The following DPY19L1 variants were observed in gnomAD, a reference collection of about 807,000 sequenced individuals.
The protein encoded by DPY19L1 is dpy-19 like C-mannosyltransferase 1.
A neutral mutation model predicts 96.9 loss-of-function variants in DPY19L1; 35 were observed. That is an observed-to-expected ratio of 0.36 (90% CI 0.28 to 0.48). The LOEUF (loss-of-function observed/expected upper bound fraction) is 0.48. Among genes scored for constraint, DPY19L1 ranks in the 20% least tolerant of loss-of-function variants. The pLI, the probability that DPY19L1 is intolerant of heterozygous loss-of-function variation, is 0.99. For missense variants in DPY19L1, 521 were observed against 777.9 expected (o/e 0.67, Z 3.93); for synonymous variants, 205 against 252.6 (o/e 0.81, Z 1.79).
At chr7:34,998,381 G>GA (rs1296253366) in intron 6 of DPY19L1, among the ~76,000 whole-genome samples, 1 of 152,154 alleles carries the variant, frequency 6.6e-6, no homozygotes, top group Non-Finnish European at 1.5e-5. Context: ...TAGAGTTCGT[G>GA]AAAAAGATCA....
At chr7:35,021,541 C>T (rs986173340) in intron 1 of DPY19L1, among the ~76,000 whole-genome samples, 1 of 152,150 alleles carries the variant, frequency 6.6e-6, no homozygotes, top group Non-Finnish European at 1.5e-5. Flanking sequence ...TATTACACAC[C>T]CAACACTTTA....
At chr7:35,033,983 C>T (rs1312280774) in intron 1 of DPY19L1, among the ~76,000 whole-genome samples, 4 of 151,894 alleles carry the variant, frequency 2.6e-5, no homozygotes, top group Admixed American at 2.0e-4. Context: ...AAAAATTATC[C>T]CACCCAAAAT....
chr7:35,014,975 G>A (rs1049258763), intron 3 of DPY19L1, among the ~76,000 whole-genome samples: 1 of 152,158 alleles, frequency 6.6e-6, no homozygotes, highest in Non-Finnish European at 1.5e-5. Context: ...CAGAGGCTGA[G>A]AAGAGACAAG....
At chr7:34,988,212 A>G (rs933545007) in intron 7 of DPY19L1, 19 of 152,144 alleles carry the variant, frequency 1.2e-4, no homozygotes, top group African/African-American at 4.1e-4. Flanking sequence ...AGACCTTTGC[A>G]CTTTACAAAC....
At chr7:35,030,735 C>G (rs924843265) in intron 1 of DPY19L1, among the ~76,000 whole-genome samples, 1 of 152,098 alleles carries the variant, frequency 6.6e-6, no homozygotes, top group African/African-American at 2.4e-5. Context: ...AATCAAGCTA[C>G]AATAGTTGTA....
chr7:35,005,446 G>A (rs981751010), intron 6 of DPY19L1, among the ~76,000 whole-genome samples: 1 of 151,428 alleles, frequency 6.6e-6, no homozygotes, highest in African/African-American at 2.4e-5. Flanking sequence ...GCTGGGGAGA[G>A]GAGGAAGGGG....
intron 1 of DPY19L1, among the ~76,000 whole-genome samples, chr7:35,019,607 GA>G (rs1430600056): frequency 1.3e-5 from 2 of 151,694 alleles, no homozygotes; most frequent in Non-Finnish European, 2.9e-5. Flanking sequence ...GAGGAAGGAA[GA>G]ATAAGGAGGA....
chr7:35,037,763 C>T, upstream of DPY19L1: 1 of 1,121,000 alleles, frequency 8.9e-7, no homozygotes, highest in East Asian at 4.2e-5. Flanking sequence ...AGCGCGCACG[C>T]GCGGACTTCC....
chr7:34,963,326 G>A (rs1245296074), intron 10 of DPY19L1, among the ~76,000 whole-genome samples: 1 of 151,978 alleles, frequency 6.6e-6, no homozygotes, highest in Non-Finnish European at 1.5e-5. Context: ...CCATCCAAGA[G>A]CAGAAAATAA....
At chr7:35,008,974 A>G (rs1274938446) in intron 6 of DPY19L1, among the ~76,000 whole-genome samples, 13 of 152,212 alleles carry the variant, frequency 8.5e-5, no homozygotes, top group Non-Finnish European at 1.8e-4. Context: ...ATTTCCCTGC[A>G]TCTTGTTTCA....
At chr7:35,007,031 C>A (rs1230382010) in intron 6 of DPY19L1, among the ~76,000 whole-genome samples, 1 of 152,050 alleles carries the variant, frequency 6.6e-6, no homozygotes, top group Non-Finnish European at 1.5e-5. Context: ...AAGAAGTCTG[C>A]AGCTTTATCC....
chr7:34,963,181 C>A (rs1419166563), intron 10 of DPY19L1, among the ~76,000 whole-genome samples: 1 of 114,912 alleles, frequency 8.7e-6, no homozygotes, highest in East Asian at 2.5e-4. Flanking sequence ...GGCGACAGAG[C>A]GAGATCTGTC....
At chr7:34,981,949 C>CAAAAT (rs369893182) in intron 7 of DPY19L1, among the ~76,000 whole-genome samples, 23 of 151,898 alleles carry the variant, frequency 1.5e-4, no homozygotes, top group South Asian at 4.2e-4. Context: ...GACCCTGTCT[C>CAAAAT]AAAATAAAAT....
At chr7:35,019,744 T>C (rs1363109949) in intron 1 of DPY19L1, among the ~76,000 whole-genome samples, 1 of 152,250 alleles carries the variant, frequency 6.6e-6, no homozygotes, top group Non-Finnish European at 1.5e-5. Flanking sequence ...TTCTAGATAA[T>C]TGAAGTTACA....
At chr7:35,002,379 G>C (rs1474213318) in intron 6 of DPY19L1, among the ~76,000 whole-genome samples, 2 of 151,892 alleles carry the variant, frequency 1.3e-5, no homozygotes, top group Non-Finnish European at 2.9e-5. Context: ...GAAAAAATAA[G>C]GCTGATAAAA....
Position 34,931,226 on chromosome 7 carries a change from C to T in DPY19L1, c.*347G>A, listed in dbSNP as rs1190863389. The T allele has an allele frequency of 6.1e-6, 1 of 164,362 alleles. No homozygotes were observed. The highest frequency in any genetic ancestry group is 1.3e-5 in the Non-Finnish European group (1 of 76,548). 10.2% of individuals were successfully genotyped at this position (164,362 alleles called of 1,614,324 possible). Reference sequence around the variant, plus strand: ...TAGTTCTTACACTATAAAATCAGCCCCTACATTGTCAGAATTGTCCTGTAT... The same window carrying T: ...TAGTTCTTACACTATAAAATCAGCCTCTACATTGTCAGAATTGTCCTGTAT... On this transcript the variant is annotated 3_prime_UTR_variant, in exon 22 of 22. Coordinates refer to ENST00000638088, the MANE Select transcript of DPY19L1 (RefSeq NM_001366673.1).
intron 9 of DPY19L1, among the ~76,000 whole-genome samples, chr7:34,968,750 C>T (rs1261278473): frequency 2.2e-5 from 2 of 92,856 alleles, no homozygotes; most frequent in African/African-American, 4.2e-5. Context: ...GCCTGGGCGA[C>T]AGAGAAAGAC....
Position 34,947,717 on chromosome 7 carries a change from ATG to A in DPY19L1, c.1423-18_1423-17del, listed in dbSNP as rs771294069. The A allele has an allele frequency of 1.3e-6, 2 of 1,594,846 alleles. No homozygotes were observed. The highest frequency in any genetic ancestry group is 1.7e-6 in the Non-Finnish European group (2 of 1,171,166). On this transcript the variant is annotated splice_polypyrimidine_tract_variant and intron_variant, in intron 14 of 21. Coordinates refer to ENST00000638088, the MANE Select transcript of DPY19L1 (RefSeq NM_001366673.1). ...TCAGTGGAGTCTGAAATTCAAAGAGATGTTTTGTTAGAAGGAAACATTTTAAC... is the reference window on the plus strand; with the variant it reads ...TCAGTGGAGTCTGAAATTCAAAGAGATTTTGTTAGAAGGAAACATTTTAAC...
chr7:35,037,229 T>C lies in DPY19L1; in HGVS notation c.166A>G (p.Lys56Glu). ...SPGRKGAAGR[K>E]GPRAEPGAPP... Reference sequence around the variant, plus strand: ...GCGCCGGGCTCGGCGCGGGGCCCCTTCCTGCCCGCGGCGCCCTTGCGCCCC... The same window carrying C: ...GCGCCGGGCTCGGCGCGGGGCCCCTCCCTGCCCGCGGCGCCCTTGCGCCCC... The change falls in exon 1 of 22, where the codon AAG (lysine) becomes GAG (glutamate). Residue 56 changes from lysine (K) to glutamate (E), a missense_variant. Coordinates refer to ENST00000638088, the MANE Select transcript of DPY19L1 (RefSeq NM_001366673.1). 1 of 207,092 alleles carries C rather than the reference T, an allele frequency of 4.8e-6. No individual in the cohort carries two copies. The highest frequency in any genetic ancestry group is 9.5e-6 in the Non-Finnish European group (1 of 105,572). 12.8% of individuals were successfully genotyped at this position (207,092 alleles called of 1,614,324 possible).
Sources: gnomAD v4.1 joint callset for allele counts (sites outside exome capture counted in the v4.1 genomes callset) on GRCh38, gnomAD v4.1.1 for gene constraint, MANE v1.5 for transcripts, NCBI Gene and HGNC (gene_info 2026-07-23, HGNC 2026-07-21) for gene names.